The following FGF21 variants were observed in gnomAD, a reference collection of about 807,000 sequenced individuals.
FGF21 encodes the protein fibroblast growth factor 21.
Under a neutral mutation model 13.4 loss-of-function variants are expected in FGF21, and 13 were observed. That is an observed-to-expected ratio of 0.97 (90% confidence interval 0.63 to 1.54). The LOEUF (loss-of-function observed/expected upper bound fraction) is 1.54, where lower values mean the gene tolerates loss of function less well. Ranked by LOEUF, FGF21 falls within the 40% of genes most tolerant of loss-of-function variation. The pLI is 0.00. For missense variants in FGF21, 303 were observed against 272.4 expected, an observed-to-expected ratio of 1.11 and a Z score of -0.79; for synonymous variants, 124 against 123.6, an observed-to-expected ratio of 1.00 and a Z score of -0.02.
At chr19:48,756,714 G>C (rs1298637580) in intron 2 of FGF21, among the ~76,000 whole-genome samples, 2 of 151,522 alleles carry the variant, frequency 1.3e-5, no homozygotes, top group Non-Finnish European at 2.9e-5. Context: ...GGACTCTTGG[G>C]TTTGAAGGAG....
At chr19:48,757,657 GTC>G (rs2034130000) in intron 3 of FGF21, among the ~76,000 whole-genome samples, 1 of 114,656 alleles carries the variant, frequency 8.7e-6, no homozygotes, top group Non-Finnish European at 1.9e-5. Context: ...GGAACCCCGG[GTC>G]TGAGGGAGGA....
chr19:48,757,426 C>T (rs2122579612), intron 3 of FGF21, among the ~76,000 whole-genome samples: 1 of 152,344 alleles, frequency 6.6e-6, no homozygotes, highest in Middle Eastern at 3.4e-3. Flanking sequence ...AGACACCCCG[C>T]CTGGCCTGAG....
At position 48,757,028 on chromosome 19, in the gene FGF21, C is replaced by T. The variant is rs763483884; in HGVS notation, c.338C>T (p.Ser113Leu). The T allele has an allele frequency of 1.2e-5, 20 of 1,612,324 alleles. No homozygotes were observed. The highest frequency in any genetic ancestry group is 6.7e-5 in the African/African-American group (5 of 74,878). The change falls in exon 3 of 4, where the codon TCG becomes TTG. Residue 113 changes from serine to leucine, a missense_variant and splice_region_variant. Coordinates refer to ENST00000593756, the MANE Select transcript of FGF21 (RefSeq NM_019113.4). ...CQRPDGALYG[S>L]LHFDPEACSF... is the part of the protein sequence containing the mutation. The stretch of plus-strand genomic sequence containing the variant: ...CGGCCAGATGGGGCCCTGTATGGAT[C>T]GGTGAGTTTCCAGGACCCTCCTCAC...
Position 48,758,248 on chromosome 19 carries a change from C to T in FGF21, c.*28C>T, listed in dbSNP as rs200523655. 990 of 1,552,764 alleles carry T rather than the reference C, an allele frequency of 6.4e-4. No homozygotes were observed. The highest frequency in any genetic ancestry group is 1.8e-3 in the Admixed American group (81 of 45,248). ...CCAGAGGCTGTTTACTATGACATCT[C>T]CTCTTTATTTATTAGGTTATTTATC... is the stretch of plus-strand genomic sequence containing the variant. On this transcript the variant is annotated 3_prime_UTR_variant, in exon 4 of 4. Transcript: ENST00000593756.
intron 2 of FGF21, 32 bp from the exon 3 acceptor site, chr19:48,756,893 TC>T (rs1287057819): frequency 6.5e-7 from 1 of 1,547,762 alleles, no homozygotes; most frequent in Admixed American, 1.7e-5. Context: ...GTGGGAGAGG[TC>T]CTCGAACCAC....
In FGF21 at chr19:48,758,089, CTA is replaced by C; in HGVS notation, c.500_501del (p.Leu167ProfsTer80). On this transcript the variant is annotated frameshift_variant, in exon 4 of 4. Coordinates refer to ENST00000593756, the MANE Select transcript of FGF21 (RefSeq NM_019113.4). LOFTEE classifies it low-confidence loss of function (END_TRUNC). The part of the protein sequence containing the change: ...APRGPARFLP[L>X]PGLPPALPEP... ...CCGAGGACCAGCTCGCTTCCTGCCA[CTA>C]CCAGGCCTGCCCCCCGCACTCCCGG... 6.2e-7 allele frequency: 1 copy of C among 1,612,294 alleles called. No homozygotes were observed.
chr19:48,756,770 T>C (rs1018060431), intron 2 of FGF21, among the ~76,000 whole-genome samples, 156 bp from the exon 3 acceptor site: 6 of 149,998 alleles, frequency 4.0e-5, no homozygotes, highest in Non-Finnish European at 8.9e-5. Flanking sequence ...GGGAGGGGGC[T>C]TTGGCTTGGG....
rs2034146445 is a variant in FGF21, at chr19:48,758,277, T to C, written c.*57T>C. ...TTTATTTATTAGGTTATTTATCTTA[T>C]TTATTTTTTTATTTTTCTTACTTGA... On this transcript the variant is annotated 3_prime_UTR_variant, in exon 4 of 4. Coordinates refer to ENST00000593756, the MANE Select transcript of FGF21 (RefSeq NM_019113.4). The C allele has an allele frequency of 7.3e-7, 1 of 1,377,362 alleles. No individual in the cohort carries two copies. Among genetic ancestry groups the C allele is most frequent in the African/African-American group, 1.5e-5 (1 of 67,366 alleles). 85.3% of individuals were successfully genotyped at this position (1,377,362 alleles called of 1,614,324 possible).
rs773104317 is a variant in FGF21, at chr19:48,756,432, G to A, written c.196G>A (p.Asp66Asn). 1 of 1,613,602 alleles carries A rather than the reference G, an allele frequency of 6.2e-7. No individual in the cohort carries two copies. The highest frequency in any genetic ancestry group is 1.3e-5 in the African/African-American group (1 of 74,924). The change falls in exon 2 of 4, where the codon GAT (aspartate) becomes AAT (asparagine). Residue 66 changes from aspartate to asparagine, a missense_variant. Asp to Asn is a conservative substitution (Grantham distance 23). Coordinates refer to ENST00000593756, the MANE Select transcript of FGF21 (RefSeq NM_019113.4). ...AGAAGCCCACCTGGAGATCAGGGAG[G>A]ATGGGACGGTGGGGGGCGCTGCTGA... is the stretch of plus-strand genomic sequence containing the variant. ...QTEAHLEIREDGTVGGAADQS... is the reference protein window; with the variant it reads ...QTEAHLEIRENGTVGGAADQS...
chr19:48,756,402 C>G lies in FGF21; in HGVS notation c.166C>G (p.Gln56Glu). Residue 56 changes from glutamine to glutamate, a missense_variant, in exon 2 of 4, where the codon CAG (glutamine) becomes GAG (glutamate). Gln to Glu is a conservative substitution (Grantham distance 29). Coordinates refer to ENST00000593756, the MANE Select transcript of FGF21 (RefSeq NM_019113.4). ...GTACCTCTACACAGATGATGCCCAG[C>G]AGACAGAAGCCCACCTGGAGATCAG... ...QRYLYTDDAQ[Q>E]TEAHLEIRED... 6.2e-7 allele frequency: 1 copy of G among 1,613,926 alleles called. No individual in the cohort carries two copies. The highest frequency in any genetic ancestry group is 8.5e-7 in the Non-Finnish European group (1 of 1,180,030).
chr19:48,756,457 A>G lies in FGF21; in HGVS notation c.221A>G (p.Asp74Gly), dbSNP rs1425597803. The G allele has an allele frequency of 6.2e-7, 1 of 1,612,716 alleles. No individual in the cohort carries two copies. Among genetic ancestry groups the G allele is most frequent in the Non-Finnish European group, 8.5e-7 (1 of 1,179,796 alleles). ...REDGTVGGAA[D>G]QSPESLLQLK... ...GATGGGACGGTGGGGGGCGCTGCTGACCAGAGCCCCGAAAGTGAGTGTGGG... is the reference window on the plus strand; with the variant it reads ...GATGGGACGGTGGGGGGCGCTGCTGGCCAGAGCCCCGAAAGTGAGTGTGGG... The change falls in exon 2 of 4, where the codon GAC becomes GGC. Residue 74 changes from aspartate (D) to glycine (G), a missense_variant. Asp to Gly is a moderately conservative substitution (Grantham distance 94, BLOSUM62 -1). Coordinates refer to ENST00000593756, the MANE Select transcript of FGF21 (RefSeq NM_019113.4).
chr19:48,757,833 C>T (rs537021485), intron 3 of FGF21, 97 bp from the exon 4 acceptor site: 91 of 1,218,390 alleles, frequency 7.5e-5, no homozygotes, highest in Admixed American at 4.9e-4. Context: ...GGGCCTGGAC[C>T]CCTGGGTCTG....
intron 2 of FGF21, 114 bp from the exon 3 acceptor site, chr19:48,756,812 G>A: frequency 2.4e-6 from 2 of 842,848 alleles, no homozygotes; most frequent in South Asian, 3.1e-5. Context: ...GAGGTAGGCT[G>A]TGGGCTTGGA....
chr19:48,757,115 C>G (rs918505128), intron 3 of FGF21, 86 bp downstream of exon 3: 2 of 955,400 alleles, frequency 2.1e-6, no homozygotes, highest in East Asian at 2.4e-5. Context: ...CTTGCTCATC[C>G]CCCCCGGAGC....
chr19:48,756,850 G>A, intron 2 of FGF21, 76 bp from the exon 3 acceptor site: 1 of 1,162,212 alleles, frequency 8.6e-7, no homozygotes, highest in Non-Finnish European at 1.3e-6. Flanking sequence ...GAGCCGGATG[G>A]TGGGACAGAG....
intron 2 of FGF21, 57 bp from the exon 3 acceptor site, chr19:48,756,869 T>C (rs1396471542): frequency 7.4e-7 from 1 of 1,357,594 alleles, no homozygotes; most frequent in East Asian, 2.3e-5. Flanking sequence ...AGTCGGGTGG[T>C]GGGACAGTCC....
At chr19:48,756,766 G>T (rs570524268) in intron 2 of FGF21, among the ~76,000 whole-genome samples, 160 bp from the exon 3 acceptor site, 1 of 151,146 alleles carries the variant, frequency 6.6e-6, no homozygotes, top group African/African-American at 2.4e-5. Flanking sequence ...AGTTGGGAGG[G>T]GGCTTTGGCT....
At chr19:48,757,690 C>G (rs1244066014) in intron 3 of FGF21, among the ~76,000 whole-genome samples, 2 of 127,694 alleles carry the variant, frequency 1.6e-5, no homozygotes, top group Non-Finnish European at 3.3e-5. Flanking sequence ...CCTGGAACCC[C>G]GGGTCTGAGG....
At chr19:48,757,509 A>G (rs896719230) in intron 3 of FGF21, among the ~76,000 whole-genome samples, 2 of 151,862 alleles carry the variant, frequency 1.3e-5, no homozygotes, top group African/African-American at 4.9e-5. Flanking sequence ...CCTGCAGGAG[A>G]GCCCTGGGGT....
Sources: allele counts gnomAD v4.1 joint callset (sites outside exome capture counted in the v4.1 genomes callset), GRCh38; gene constraint gnomAD v4.1.1; transcripts MANE v1.5; gene names NCBI Gene and HGNC (gene_info 2026-07-23, HGNC 2026-07-21).